DLGAP1: variants seen among roughly 807,000 people sequenced by gnomAD.
DLGAP1 encodes the protein disks large-associated protein 1.
A neutral mutation model predicts 90.8 loss-of-function variants in DLGAP1; 11 were observed. The observed-to-expected ratio is 0.12, with a 90% CI of 0.08 to 0.20. DLGAP1 has a LOEUF of 0.20. Ranked by LOEUF, DLGAP1 falls within the 10% of genes least tolerant of loss-of-function variation. The pLI is 1.00. For missense variants in DLGAP1, 1,050 were observed against 1,333.8 expected, an observed-to-expected ratio of 0.79 and a Z score of 3.31; for synonymous variants, 558 against 540.7, an observed-to-expected ratio of 1.03 and a Z score of -0.44.
chr18:3,546,958 A>C (rs1217465975), intron 9 of DLGAP1, among the ~76,000 whole-genome samples: 1 of 146,910 alleles, frequency 6.8e-6, no homozygotes, highest in Non-Finnish European at 1.5e-5. Flanking sequence ...TAAAATTGAT[A>C]ATCTTTTAGC....
At chr18:4,101,994 T>G (rs79692544) in intron 2 of DLGAP1, among the ~76,000 whole-genome samples, 3,099 of 151,176 alleles carry the variant, frequency 0.02, 86 homozygotes, top group African/African-American at 0.06. Flanking sequence ...TATTAAAATT[T>G]CAGGTGCATT....
At chr18:3,648,309 T>C (rs2059188976) in intron 7 of DLGAP1, among the ~76,000 whole-genome samples, 1 of 152,258 alleles carries the variant, frequency 6.6e-6, no homozygotes, top group African/African-American at 2.4e-5. Context: ...AAAGCATCAA[T>C]GGATTCAACA....
At chr18:3,515,728 G>A (rs2050803458) in intron 10 of DLGAP1, among the ~76,000 whole-genome samples, 1 of 141,118 alleles carries the variant, frequency 7.1e-6, no homozygotes, top group Non-Finnish European at 1.5e-5. Flanking sequence ...GCAGTGAGCC[G>A]TGATTGTGCC....
At chr18:3,986,739 A>G (rs1435459267) in intron 3 of DLGAP1, 3 of 152,206 alleles carry the variant, frequency 2.0e-5, no homozygotes, top group Non-Finnish European at 4.4e-5. Context: ...TTCCAATCCA[A>G]CGTGGATTTT....
At chr18:4,320,650 C>T (rs2080661111) in intron 1 of DLGAP1, among the ~76,000 whole-genome samples, 1 of 152,018 alleles carries the variant, frequency 6.6e-6, no homozygotes, top group Non-Finnish European at 1.5e-5. Flanking sequence ...TGCCCTCATG[C>T]ATAAGGAATT....
At chr18:3,592,843 C>CAAAAA (rs56871583) in intron 7 of DLGAP1, among the ~76,000 whole-genome samples, 3 of 42,592 alleles carry the variant, frequency 7.0e-5, no homozygotes, top group Non-Finnish European at 1.5e-4. Context: ...GACCCTGCCT[C>CAAAAA]AAAAAAAAAA....
Position 4,354,887 on chromosome 18 carries a change from C to CAAAAAAAAAAAAAAAAA in DLGAP1, c.-267+100102_-267+100118dup, listed in dbSNP as rs60379984. On this transcript the variant is annotated intron_variant, in intron 1 of 12. Coordinates refer to ENST00000315677, the MANE Select transcript of DLGAP1 (RefSeq NM_004746.4). ...TGGCTTTTTCTGCAATTACTCTCAC[C>CAAAAAAAAAAAAAAAAA]AAAAAAAAAAAAAAAAAAAAAAAAA... Among the ~76,000 whole-genome samples, 15 of 23,874 alleles carry CAAAAAAAAAAAAAAAAA rather than the reference C, an allele frequency of 6.3e-4. 4 individuals carry two copies. The highest frequency in any genetic ancestry group is 9.6e-4 in the Non-Finnish European group (11 of 11,478). The allele number at this position is 23,874 out of a possible 152,430, so 15.7% of individuals were successfully genotyped here. A position where few individuals can be genotyped will look rare whatever the true frequency, so the allele number is the denominator to read the frequency against.
chr18:4,355,716 T>C (rs530763263), intron 1 of DLGAP1, among the ~76,000 whole-genome samples: 1 of 146,420 alleles, frequency 6.8e-6, no homozygotes, highest in Admixed American at 6.9e-5. Context: ...AAAACTGGGT[T>C]AAAGTTACAT....
At chr18:3,636,663 G>A (rs765001286) in intron 7 of DLGAP1, among the ~76,000 whole-genome samples, 8 of 150,360 alleles carry the variant, frequency 5.3e-5, no homozygotes, top group Non-Finnish European at 1.0e-4. Context: ...TGATTCACCC[G>A]CCTCGGCCTC....
rs942307405 is a variant in DLGAP1, at chr18:4,063,276, A to T, written c.-158-58075T>A. 5.3e-5 allele frequency among the ~76,000 whole-genome samples: 8 copies of T among 152,208 alleles called. No homozygotes were observed. In the East Asian group the frequency reaches 9.7e-4, roughly 18 times the overall value. On this transcript the variant is annotated intron_variant, in intron 2 of 12. Coordinates refer to ENST00000315677, the MANE Select transcript of DLGAP1 (RefSeq NM_004746.4). ...TATATTCAATATTGGAGTTTACTAC[A>T]ATCTATGAAGGGTTTTGTTTCCATT...
chr18:3,893,974 T>C lies in DLGAP1; in HGVS notation c.-72-13834A>G, dbSNP rs1568284632. On this transcript the variant is annotated intron_variant, in intron 3 of 12. Coordinates refer to ENST00000315677, the MANE Select transcript of DLGAP1 (RefSeq NM_004746.4). ...TTTGCATTTTTCTGATGATTAGTGA[T>C]GTTGAGCATTCTTTCATATGTTTAT... Among the ~76,000 whole-genome samples the C allele has an allele frequency of 3.3e-5, 5 of 152,350 alleles. No homozygotes were observed. The South Asian group carries it at 8.3e-4, about 25-fold the overall frequency.
chr18:3,944,109 T>C (rs947072915), intron 3 of DLGAP1, among the ~76,000 whole-genome samples: 1 of 151,770 alleles, frequency 6.6e-6, no homozygotes, highest in Non-Finnish European at 1.5e-5. Flanking sequence ...TCTGTACCCA[T>C]AGGACGTGTG....
intron 3 of DLGAP1, among the ~76,000 whole-genome samples, chr18:3,897,227 T>G (rs1321626226): frequency 2.6e-5 from 4 of 152,206 alleles, no homozygotes. Flanking sequence ...GCCAAAAATG[T>G]TGGCCGAGGA....
intron 7 of DLGAP1, among the ~76,000 whole-genome samples, chr18:3,716,563 C>T (rs748098909): frequency 4.0e-5 from 6 of 151,836 alleles, no homozygotes; most frequent in Non-Finnish European, 7.4e-5. Context: ...ATTATAAAAG[C>T]GAAACATGCA....
intron 3 of DLGAP1, among the ~76,000 whole-genome samples, chr18:3,902,615 T>A (rs905130187): frequency 6.6e-6 from 1 of 152,226 alleles, no homozygotes; most frequent in Non-Finnish European, 1.5e-5. Flanking sequence ...TAGTACTGTA[T>A]CTGCTTTCTG....
chr18:4,359,599 A>G (rs2144084802), intron 1 of DLGAP1, among the ~76,000 whole-genome samples: 1 of 152,332 alleles, frequency 6.6e-6, no homozygotes. Flanking sequence ...TCTCTTGCTA[A>G]TGTCTTCTGT....
intron 1 of DLGAP1, among the ~76,000 whole-genome samples, chr18:4,192,996 T>C (rs1402742024): frequency 6.6e-6 from 1 of 152,252 alleles, no homozygotes; most frequent in Non-Finnish European, 1.5e-5. Flanking sequence ...AACTACATAA[T>C]ATAGTAGATT....
At chr18:3,988,996 G>A (rs889303899) in intron 3 of DLGAP1, among the ~76,000 whole-genome samples, 2 of 152,198 alleles carry the variant, frequency 1.3e-5, no homozygotes, top group African/African-American at 4.8e-5. Flanking sequence ...CAGAACATGA[G>A]GTTATGGCAG....
chr18:3,720,137 G>A (rs746831829), intron 7 of DLGAP1, among the ~76,000 whole-genome samples: 5 of 152,140 alleles, frequency 3.3e-5, no homozygotes, highest in Non-Finnish European at 7.3e-5. Context: ...ATATTCTAGG[G>A]ATAAAAGCTA....
Sources: allele counts gnomAD v4.1 joint callset (sites outside exome capture counted in the v4.1 genomes callset), GRCh38; gene constraint gnomAD v4.1.1; transcripts MANE v1.5; gene names NCBI Gene and HGNC (gene_info 2026-07-23, HGNC 2026-07-21).